The following THSD7A variants were observed in gnomAD, a reference collection of about 807,000 sequenced individuals.
THSD7A encodes thrombospondin type-1 domain-containing protein 7A.
A neutral mutation model predicts 231.3 loss-of-function variants in THSD7A; 96 were observed. The ratio of observed to expected loss-of-function variants is 0.41; its 90% CI spans 0.35 to 0.49. The LOEUF is 0.49. THSD7A is among the 20% of genes least tolerant of loss of function. The pLI, the probability that THSD7A is intolerant of heterozygous loss-of-function variation, is 0.05. For synonymous variants in THSD7A, 940 were observed against 743.3 expected (o/e 1.26, Z -4.30); for missense variants, 2,290 against 2,070.2 (o/e 1.11, Z -2.06).
intron 1 of THSD7A, among the ~76,000 whole-genome samples, chr7:11,747,619 C>T (rs770215562): frequency 5.9e-5 from 9 of 151,910 alleles, no homozygotes; most frequent in Non-Finnish European, 1.3e-4. Context: ...AAAAGACAGT[C>T]TCTACCTGTA....
intron 4 of THSD7A, among the ~76,000 whole-genome samples, chr7:11,583,372 G>T (rs1021427216): frequency 6.6e-6 from 1 of 152,078 alleles, no homozygotes; most frequent in Non-Finnish European, 1.5e-5. Context: ...CACCTCCTGG[G>T]CTCAAGAGAT....
chr7:11,415,221 G>C (rs150884478), intron 17 of THSD7A, among the ~76,000 whole-genome samples: 2,247 of 152,302 alleles, frequency 0.015, 66 homozygotes, highest in African/African-American at 0.051. Flanking sequence ...CTATGCAAAA[G>C]GGAAGCGTAA....
intron 13 of THSD7A, among the ~76,000 whole-genome samples, chr7:11,445,139 G>T (rs564933741): frequency 6.6e-6 from 1 of 151,948 alleles, no homozygotes; most frequent in African/African-American, 2.4e-5. Flanking sequence ...TTTCAGCAAG[G>T]TTGGAGGATA....
At chr7:11,488,220 G>T (rs548250500) in intron 6 of THSD7A, among the ~76,000 whole-genome samples, 3 of 152,142 alleles carry the variant, frequency 2.0e-5, no homozygotes, top group African/African-American at 7.2e-5. Flanking sequence ...GATATGTTTT[G>T]TGTTCTTCAG....
In THSD7A at chr7:11,411,247, C is replaced by T. The variant is rs375611920; in HGVS notation, c.3758G>A (p.Arg1253Gln). The T allele has an allele frequency of 1.9e-5, 30 of 1,613,778 alleles. No individual in the cohort carries two copies. Among genetic ancestry groups the T allele is most frequent in the East Asian group, 4.5e-5 (2 of 44,890 alleles). ...GIKTRMLDCV[R>Q]SDGKSVDLKY... is the part of the protein sequence containing the mutation. The stretch of plus-strand genomic sequence containing the variant: ...CAGGTCAACTGACTTGCCATCACTT[C>T]GAACACAATCCAACATCCTTGTTTT... Residue 1253 changes from arginine to glutamine, a missense_variant, in exon 19 of 28, where the codon CGA becomes CAA. By Grantham distance (43) the Arg-to-Gln change is conservative. Coordinates refer to ENST00000423059, the MANE Select transcript of THSD7A (RefSeq NM_015204.3). The surrounding 1 kb of genome is among the most constrained non-coding windows in gnomAD (Gnocchi z 4.1).
chr7:11,816,742 G>T (rs940065113), intron 1 of THSD7A, among the ~76,000 whole-genome samples: 2 of 143,738 alleles, frequency 1.4e-5, no homozygotes, highest in Non-Finnish European at 3.1e-5. Flanking sequence ...AGTGAAAAAA[G>T]TGTATAATTG....
chr7:11,760,222 A>G (rs1215145695), intron 1 of THSD7A, among the ~76,000 whole-genome samples: 1 of 152,128 alleles, frequency 6.6e-6, no homozygotes, highest in Non-Finnish European at 1.5e-5. Flanking sequence ...TAATGGAATG[A>G]TATTTGGGAG....
intron 6 of THSD7A, among the ~76,000 whole-genome samples, chr7:11,513,984 C>A (rs1787924487): frequency 6.6e-6 from 1 of 151,860 alleles, no homozygotes. Context: ...TGGCCCCAGA[C>A]ATCCTGCCTC....
In THSD7A at chr7:11,831,861, G is replaced by GGCAGCA; in HGVS notation, c.85_86insTGCTGC (p.Leu28_Pro29insLeuLeu). ...CAGCAGGAGCAGCGGCAGCGGCAGC[G>GGCAGCA]GCAGCGGCAGCAGCTGCAGGACGCC... On this transcript the variant is annotated inframe_insertion, in exon 1 of 28. Transcript: ENST00000423059. The surrounding 1 kb of genome is among the most constrained non-coding windows in gnomAD (Gnocchi z 5.0). The GGCAGCA allele has an allele frequency of 7.9e-7, 1 of 1,270,550 alleles. No homozygotes were observed. The highest frequency in any genetic ancestry group is 1.0e-6 in the Non-Finnish European group (1 of 1,001,140). 78.7% of individuals were successfully genotyped at this position (1,270,550 alleles called of 1,614,324 possible).
In THSD7A at chr7:11,476,839, AGTGT is replaced by A. The variant is rs78357599; in HGVS notation, c.2018-2275_2018-2272del. On this transcript the variant is annotated intron_variant, in intron 7 of 27. Transcript: ENST00000423059. ...CAGAGAAAAAAAAAAAAAAAAAGAT[AGTGT>A]AGAAAGCGATTATATACAAATTCAT... 1.0e-3 allele frequency among the ~76,000 whole-genome samples: 135 copies of A among 131,206 alleles called. 1 individual carries two copies. The highest frequency in any genetic ancestry group is 1.6e-3 in the African/African-American group (63 of 39,558). 86.1% of individuals were successfully genotyped at this position (131,206 alleles called of 152,430 possible).
chr7:11,488,679 A>G (rs1432156752), intron 6 of THSD7A, among the ~76,000 whole-genome samples: 2 of 152,074 alleles, frequency 1.3e-5, no homozygotes, highest in African/African-American at 4.8e-5. Context: ...TTTCCCTTGT[A>G]TCCCAAGGGT....
intron 4 of THSD7A, among the ~76,000 whole-genome samples, chr7:11,572,810 G>C (rs1790703321): frequency 6.6e-6 from 1 of 151,950 alleles, no homozygotes. Context: ...CTTATATCTA[G>C]GCCATCTCAT....
intron 1 of THSD7A, among the ~76,000 whole-genome samples, chr7:11,767,085 G>C (rs1448605667): frequency 6.6e-6 from 1 of 152,128 alleles, no homozygotes; most frequent in Non-Finnish European, 1.5e-5. Context: ...ACATGCATGT[G>C]CATGTATGTT....
chr7:11,543,815 T>A (rs1396629065), intron 4 of THSD7A, among the ~76,000 whole-genome samples: 1 of 152,218 alleles, frequency 6.6e-6, no homozygotes, highest in Admixed American at 6.5e-5. Context: ...CCTTGTTTTT[T>A]TGTTTTTTTT....
Position 11,424,780 on chromosome 7 carries a change from A to G in THSD7A, c.3299T>C (p.Val1100Ala). The stretch of plus-strand genomic sequence containing the variant: ...CTTGCAGATGCTCCAGGGCTCTGTG[A>G]CCCATAGGTACTGGTTGCAGTCACT... Reference protein sequence around the residue: ...CHSDCNQYLWVTEPWSICKVT... With the variant: ...CHSDCNQYLWATEPWSICKVT... The change falls in exon 16 of 28, where the codon GTC (valine) becomes GCC (alanine). Residue 1100 changes from valine (V) to alanine (A), a missense_variant. By Grantham distance (64) the Val-to-Ala change is moderately conservative (BLOSUM62 0). Transcript: ENST00000423059. 1 of 1,613,976 alleles carries G rather than the reference A, an allele frequency of 6.2e-7. No homozygotes were observed. The highest frequency in any genetic ancestry group is 8.5e-7 in the Non-Finnish European group (1 of 1,179,874).
intron 6 of THSD7A, among the ~76,000 whole-genome samples, chr7:11,512,332 T>C (rs899138964): frequency 1.3e-5 from 2 of 152,272 alleles, no homozygotes; most frequent in Admixed American, 6.5e-5. Context: ...TTTACACTGT[T>C]GGTGGGAATG....
intron 1 of THSD7A, among the ~76,000 whole-genome samples, chr7:11,743,206 G>A (rs998385831): frequency 6.6e-6 from 1 of 151,762 alleles, no homozygotes; most frequent in African/African-American, 2.4e-5. Flanking sequence ...TTAGCAATGC[G>A]TTATTGACTT....
At chr7:11,661,628 T>C (rs947168270) in intron 1 of THSD7A, among the ~76,000 whole-genome samples, 9 of 150,516 alleles carry the variant, frequency 6.0e-5, no homozygotes, top group Admixed American at 4.6e-4. Context: ...TTCAAAAATA[T>C]ACAGAATGAT....
At chr7:11,648,281 C>T (rs577835184) in intron 1 of THSD7A, among the ~76,000 whole-genome samples, 13 of 152,064 alleles carry the variant, frequency 8.5e-5, no homozygotes, top group Admixed American at 2.6e-4. Flanking sequence ...TTGCAAGTAG[C>T]GCCAAAATAT....
Sources: allele counts gnomAD v4.1 joint callset (sites outside exome capture counted in the v4.1 genomes callset), GRCh38; gene constraint gnomAD v4.1.1; non-coding constraint Gnocchi (gnomAD v3.1); transcripts MANE v1.5; gene names NCBI Gene and HGNC (gene_info 2026-07-23, HGNC 2026-07-21).